MIA3: variants seen among roughly 807,000 people sequenced by gnomAD.
MIA3 encodes MIA SH3 domain ER export factor 3.
In MIA3, 90 loss-of-function variants were observed where a neutral mutation model predicts 192.4. The observed-to-expected ratio is 0.47, with a 90% CI of 0.39 to 0.56. The LOEUF (loss-of-function observed/expected upper bound fraction) is 0.56, where lower values mean the gene tolerates loss of function less well. Among genes scored for constraint, MIA3 ranks in the 20% least tolerant of loss-of-function variants. The pLI is 0.00. For missense variants in MIA3, 2,123 were observed against 2,269.4 expected, an observed-to-expected ratio of 0.94 and a Z score of 1.31; for synonymous variants, 740 against 792.8, an observed-to-expected ratio of 0.93 and a Z score of 1.12.
At position 222,633,168 on chromosome 1, in the gene MIA3, C is replaced by T. The variant is rs374057759; in HGVS notation, c.3396C>T (p.Ala1132=). ...ATGCAAACAAGCAACCAGAGACAGC[C>T]GCCGAAGAGCCGGCAAGTGTCACAC... ...AIDANKQPET[A]AEEPASVTPL... is the part of the protein sequence containing the mutation. Residue 1132 remains alanine, a synonymous_variant, in exon 6 of 28, where the codon GCC becomes GCT. Coordinates refer to ENST00000344922, the MANE Select transcript of MIA3 (RefSeq NM_198551.4). 2.2e-5 allele frequency: 36 copies of T among 1,613,896 alleles called. No homozygotes were observed. Among genetic ancestry groups the T allele is most frequent in the African/African-American group, 6.7e-5 (5 of 74,912 alleles).
chr1:222,648,801 C>A, intron 7 of MIA3, 28 bp from the exon 8 acceptor site: 1 of 1,236,210 alleles, frequency 8.1e-7, no homozygotes. Flanking sequence ...TGTTTGACAT[C>A]AAATTTAATT....
At chr1:222,664,438 G>T (rs1380313149) in intron 27 of MIA3, among the ~76,000 whole-genome samples, 4 of 152,188 alleles carry the variant, frequency 2.6e-5, no homozygotes, top group Non-Finnish European at 1.5e-5. Flanking sequence ...CTCTGCAATG[G>T]ATAGCAAGGT....
At chr1:222,656,084 C>G (rs1663711102) in intron 18 of MIA3, among the ~76,000 whole-genome samples, 1 of 151,280 alleles carries the variant, frequency 6.6e-6, no homozygotes, top group Non-Finnish European at 1.5e-5. Flanking sequence ...ATTCTCCTGC[C>G]TCAGTCTCCC....
intron 15 of MIA3, 102 bp downstream of exon 15, chr1:222,653,441 GTGT>G: frequency 1.4e-6 from 1 of 712,278 alleles, no homozygotes; most frequent in Non-Finnish European, 2.4e-6. Flanking sequence ...AGCTTTCGAG[GTGT>G]AAATACATTG....
At chr1:222,655,782 T>A (rs1490353303) in intron 18 of MIA3, among the ~76,000 whole-genome samples, 2 of 152,138 alleles carry the variant, frequency 1.3e-5, no homozygotes, top group Non-Finnish European at 2.9e-5. Flanking sequence ...ACTGTTTTTC[T>A]TCGTGATACA....
At chr1:222,657,653 T>A (rs894241544) in intron 18 of MIA3, among the ~76,000 whole-genome samples, 2 of 152,204 alleles carry the variant, frequency 1.3e-5, no homozygotes, top group Non-Finnish European at 2.9e-5. Context: ...TCCACATCCC[T>A]TCCTAAGCCA....
intron 12 of MIA3, 76 bp from the exon 13 acceptor site, chr1:222,652,152 A>T (rs1663473641): frequency 7.2e-7 from 1 of 1,397,096 alleles, no homozygotes; most frequent in Non-Finnish European, 1.0e-6. Flanking sequence ...TGAAAACTAC[A>T]TGATGTTGGG....
chr1:222,638,055 T>C (rs1662707184), intron 6 of MIA3, among the ~76,000 whole-genome samples: 1 of 152,128 alleles, frequency 6.6e-6, no homozygotes, highest in Non-Finnish European at 1.5e-5. Flanking sequence ...ACTGATAGAA[T>C]AGGAAGTCAA....
Position 222,627,639 on chromosome 1 carries a change from T to G in MIA3, c.419T>G (p.Leu140Arg), listed in dbSNP as rs772444016. Reference sequence around the variant, plus strand: ...TTTCATAATTATAATGTAGAAGAACTTTTAGGGTTTTTGGAACTGTACAAT... The same window carrying G: ...TTTCATAATTATAATGTAGAAGAACGTTTAGGGTTTTTGGAACTGTACAAT... ...DDFHNYNVEELLGFLELYNSA... is the reference protein window; with the variant it reads ...DDFHNYNVEERLGFLELYNSA... The change falls in exon 4 of 28, where the codon CTT (leucine) becomes CGT (arginine). Residue 140 changes from leucine (L) to arginine (R), a missense_variant. Leu to Arg is a moderately radical substitution (Grantham distance 102). Transcript: ENST00000344922. 1 of 1,595,074 alleles carries G rather than the reference T, an allele frequency of 6.3e-7. No individual in the cohort carries two copies. Among genetic ancestry groups the G allele is most frequent in the South Asian group, 1.2e-5 (1 of 86,492 alleles).
At position 222,618,159 on chromosome 1, in the gene MIA3, C is replaced by G; in HGVS notation, c.49C>G (p.Pro17Ala). Residue 17 changes from proline to alanine, a missense_variant, in exon 1 of 28, where the codon CCC (proline) becomes GCC (alanine). Physicochemically the swap from Pro to Ala is conservative, Grantham distance 27 (BLOSUM62 -1). This residue lies in a region of MIA3 where 1,357 missense variants were observed against 1,396.1 expected (regional missense o/e 0.97). Coordinates refer to ENST00000344922, the MANE Select transcript of MIA3 (RefSeq NM_198551.4). ...LLVWLLVLRLPWRVPGQLDPS... is the reference protein window; with the variant it reads ...LLVWLLVLRLAWRVPGQLDPS... ...CGTCTGGCTGCTCGTGCTCCGGCTG[C>G]CCTGGCGGGTGCCGGGCCAGCTGGA... 4 of 1,506,736 alleles carry G rather than the reference C, an allele frequency of 2.7e-6. No individual in the cohort carries two copies. The highest frequency in any genetic ancestry group is 3.5e-6 in the Non-Finnish European group (4 of 1,128,314). The allele number at this position is 1,506,736 out of a possible 1,614,324, so 93.3% of individuals were successfully genotyped here.
intron 7 of MIA3, 181 bp downstream of exon 7, chr1:222,645,866 A>G (rs2124890395): frequency 1.8e-6 from 1 of 540,978 alleles, no homozygotes; most frequent in Admixed American, 4.1e-5. Context: ...ATAAGACAAC[A>G]TGTATAATCT....
Position 222,666,777 on chromosome 1 carries a change from A to G in MIA3, c.*1158A>G, listed in dbSNP as rs1664310872. 3 of 151,062 alleles carry G rather than the reference A, an allele frequency of 2.0e-5. No homozygotes were observed. The highest frequency in any genetic ancestry group is 2.0e-4 in the Admixed American group (3 of 15,238). The allele number at this position is 151,062 out of a possible 1,614,324, so 9.4% of individuals were successfully genotyped here. A position where few individuals can be genotyped will look rare whatever the true frequency, so the allele number is the denominator to read the frequency against. On this transcript the variant is annotated 3_prime_UTR_variant, in exon 28 of 28. Transcript: ENST00000344922. Reference sequence around the variant, plus strand: ...TGGTGTTTTTATTTAAAAATCAGTAACTAACCATCTGGAATTGCACCATAC... The same window carrying G: ...TGGTGTTTTTATTTAAAAATCAGTAGCTAACCATCTGGAATTGCACCATAC...
At chr1:222,645,227 A>G (rs1663083006) in intron 6 of MIA3, among the ~76,000 whole-genome samples, 2 of 152,216 alleles carry the variant, frequency 1.3e-5, no homozygotes, top group African/African-American at 4.8e-5. Flanking sequence ...ATAAAAACCA[A>G]TTTATTCAAG....
In MIA3 at chr1:222,650,296, G is replaced by A. The variant is rs187523883; in HGVS notation, c.3636G>A (p.Thr1212=). The change falls in exon 9 of 28, where the codon ACG becomes ACA. Residue 1212 remains threonine, a synonymous_variant. Transcript: ENST00000344922. ...LVVKDRVYQV[T]EQQISEKLKT... Reference sequence around the variant, plus strand: ...ATTATTTTTTTCTTTTTTCAGTCACGGAACAGCAAATTTCTGAGAAGTTGA... The same window carrying A: ...ATTATTTTTTTCTTTTTTCAGTCACAGAACAGCAAATTTCTGAGAAGTTGA... The A allele has an allele frequency of 5.2e-5, 83 of 1,595,668 alleles. No individual in the cohort carries two copies. Among genetic ancestry groups the A allele is most frequent in the Middle Eastern group, 3.3e-4 (2 of 6,032 alleles).
At chr1:222,663,971 A>G in intron 26 of MIA3, 27 bp from the exon 27 acceptor site, 1 of 1,588,244 alleles carries the variant, frequency 6.3e-7, no homozygotes, top group South Asian at 1.1e-5. Flanking sequence ...ATAGTATTTC[A>G]AAACTTCAAT....
intron 6 of MIA3, among the ~76,000 whole-genome samples, chr1:222,635,478 A>C (rs1662584898): frequency 6.6e-6 from 1 of 152,226 alleles, no homozygotes; most frequent in Non-Finnish European, 1.5e-5. Context: ...TTTGATGGCT[A>C]AATATGTACC....
chr1:222,665,448 AG>A lies in MIA3; in HGVS notation c.5554del (p.Glu1852SerfsTer25), dbSNP rs754389835. 1.9e-6 allele frequency: 3 copies of A among 1,613,878 alleles called. No individual in the cohort carries two copies. The South Asian group carries it at 3.3e-5, about 18-fold the overall frequency. On this transcript the variant is annotated frameshift_variant, in exon 28 of 28. Coordinates refer to ENST00000344922, the MANE Select transcript of MIA3 (RefSeq NM_198551.4). LOFTEE classifies it low-confidence loss of function (END_TRUNC). ...GACCTTTAGGTTCACTTGGCCCAAG[AG>A]AGTACTTTATTCCTGGTACCCGATT... is the stretch of plus-strand genomic sequence containing the variant. ...FRPLGSLGPR[E>X]YFIPGTRLPP...
In MIA3 at chr1:222,629,025, ATG is replaced by A; in HGVS notation, c.1806_1807del (p.Asn602LysfsTer14). On this transcript the variant is annotated frameshift_variant, in exon 4 of 28. Transcript: ENST00000344922. LOFTEE classifies it high-confidence loss of function. ...AGTGTGGAGGGAGACGCTTTGGTAA[ATG>A]GGGCCAAACTGCACACGCTTTCAGT... 1 of 1,614,200 alleles carries A rather than the reference ATG, an allele frequency of 6.2e-7. No homozygotes were observed.
Position 222,659,450 on chromosome 1 carries a change from T to G in MIA3, c.4710-3T>G. 1 of 1,613,386 alleles carries G rather than the reference T, an allele frequency of 6.2e-7. No homozygotes were observed. The highest frequency in any genetic ancestry group is 8.5e-7 in the Non-Finnish European group (1 of 1,179,508). On this transcript the variant is annotated splice_region_variant and splice_polypyrimidine_tract_variant and intron_variant, in intron 19 of 27. Coordinates refer to ENST00000344922, the MANE Select transcript of MIA3 (RefSeq NM_198551.4). ...AAATGATAAAGCCAAGTGTAATTCT[T>G]AGGCGGAGAATTGAAGAAATGGAGG...
Sources: gnomAD v4.1 joint callset for allele counts (sites outside exome capture counted in the v4.1 genomes callset) on GRCh38, gnomAD v4.1.1 for gene constraint, gnomAD v4.1.1 regional missense constraint, MANE v1.5 for transcripts, NCBI Gene and HGNC (gene_info 2026-07-23, HGNC 2026-07-21) for gene names.